The following STYXL1 variants were observed in gnomAD, a reference collection of about 807,000 sequenced individuals.
STYXL1 encodes serine/threonine/tyrosine-interacting-like protein 1.
In STYXL1, 32 loss-of-function variants were observed where a neutral mutation model predicts 36.4. The ratio of observed to expected loss-of-function variants is 0.88; its 90% CI spans 0.66 to 1.18. The LOEUF is 1.18. STYXL1 is among the 50% of genes most tolerant of loss of function. The pLI is 0.00. For synonymous variants in STYXL1, 133 were observed against 144.1 expected (o/e 0.92, Z 0.55); for missense variants, 354 against 394.1 (o/e 0.90, Z 0.86).
At chr7:76,013,138 A>G (rs1426691130) in intron 5 of STYXL1, among the ~76,000 whole-genome samples, 1 of 152,064 alleles carries the variant, frequency 6.6e-6, no homozygotes, top group African/African-American at 2.4e-5. Flanking sequence ...CATCCTGGCT[A>G]ACAGGGTGAA....
intron 4 of STYXL1, among the ~76,000 whole-genome samples, chr7:76,018,391 TTTTA>T (rs1202522072): frequency 1.3e-5 from 2 of 151,904 alleles, no homozygotes; most frequent in African/African-American, 4.8e-5. Flanking sequence ...ATGTCAGTAC[TTTTA>T]TTTTTTTTTT....
intron 5 of STYXL1, among the ~76,000 whole-genome samples, chr7:76,012,125 C>A (rs1751225618): frequency 6.6e-6 from 1 of 152,128 alleles, no homozygotes; most frequent in Non-Finnish European, 1.5e-5. Context: ...CATGGTGAAA[C>A]CCTGTCTCTA....
At chr7:76,012,308 C>T (rs945840085) in intron 5 of STYXL1, among the ~76,000 whole-genome samples, 2 of 152,038 alleles carry the variant, frequency 1.3e-5, no homozygotes, top group Non-Finnish European at 2.9e-5. Flanking sequence ...CAGGGTCTTG[C>T]TTCGTCAACC....
At chr7:76,019,757 T>C (rs2115998340) in intron 4 of STYXL1, among the ~76,000 whole-genome samples, 1 of 152,010 alleles carries the variant, frequency 6.6e-6, no homozygotes, top group South Asian at 2.1e-4. Context: ...TCTGCAGCTC[T>C]CAAGACAGGA....
chr7:76,014,210 G>T (rs2115810313), intron 4 of STYXL1, among the ~76,000 whole-genome samples: 1 of 152,128 alleles, frequency 6.6e-6, no homozygotes, highest in South Asian at 2.1e-4. Flanking sequence ...CCTCAGCTCA[G>T]GTGATCCTTC....
chr7:76,018,395 AT>A (rs1268797595), intron 4 of STYXL1, among the ~76,000 whole-genome samples: 105 of 144,488 alleles, frequency 7.3e-4, no homozygotes, highest in Admixed American at 1.4e-3. Flanking sequence ...CAGTACTTTT[AT>A]TTTTTTTTTT....
intron 5 of STYXL1, among the ~76,000 whole-genome samples, chr7:76,009,109 G>A (rs370374577): frequency 6.6e-6 from 1 of 152,150 alleles, no homozygotes; most frequent in African/African-American, 2.4e-5. Flanking sequence ...CTGCGGTTGT[G>A]TGGGTTTGGC....
Position 76,001,008 on chromosome 7 carries a change from A to T in STYXL1, c.698-6T>A, listed in dbSNP as rs781844572. The T allele has an allele frequency of 1.9e-6, 3 of 1,611,642 alleles. No individual in the cohort carries two copies. In the African/African-American group the frequency reaches 4.0e-5, roughly 21 times the overall value. ...GCCAAGGTGATGGTGAATTTCTGCAAAAAGAAGTGGGGGGTTGGGTCATGC... is the reference window on the plus strand; with the variant it reads ...GCCAAGGTGATGGTGAATTTCTGCATAAAGAAGTGGGGGGTTGGGTCATGC... On this transcript the variant is annotated splice_polypyrimidine_tract_variant and splice_region_variant and intron_variant, in intron 7 of 8. Coordinates refer to ENST00000359697, the MANE Select transcript of STYXL1 (RefSeq NM_001317785.2).
chr7:76,032,174 C>T (rs1268406822), intron 1 of STYXL1, among the ~76,000 whole-genome samples: 1 of 151,552 alleles, frequency 6.6e-6, no homozygotes, highest in Non-Finnish European at 1.5e-5. Flanking sequence ...GGGGGGATTG[C>T]TTGAGGCTGG....
intron 7 of STYXL1, among the ~76,000 whole-genome samples, chr7:76,002,971 T>C (rs552372313): frequency 1.3e-5 from 2 of 152,306 alleles, no homozygotes; most frequent in South Asian, 4.1e-4. Flanking sequence ...AATGCCATGC[T>C]CCAGCCCCTG....
chr7:76,036,877 C>T (rs1554580832), intron 1 of STYXL1, among the ~76,000 whole-genome samples: 6 of 143,984 alleles, frequency 4.2e-5, no homozygotes, highest in Admixed American at 6.9e-5. Flanking sequence ...CTCCGCCTCC[C>T]GGGTTCATGC....
At chr7:76,029,345 C>A (rs1258810007) in intron 2 of STYXL1, among the ~76,000 whole-genome samples, 1 of 152,050 alleles carries the variant, frequency 6.6e-6, no homozygotes, top group East Asian at 1.9e-4. Context: ...CGGGGTTTCA[C>A]CATGTTGGCC....
At chr7:76,023,937 C>T (rs1214532955) in intron 3 of STYXL1, among the ~76,000 whole-genome samples, 1 of 152,066 alleles carries the variant, frequency 6.6e-6, no homozygotes, top group African/African-American at 2.4e-5. Flanking sequence ...GGCTTGAACC[C>T]GGGAGGCAGA....
rs2116305715 is a variant in STYXL1 at position 76,030,466 on chromosome 7, T to C, written c.58A>G (p.Thr20Ala). ...TELYNILNQATKLSRLTDPNY... is the reference protein window; with the variant it reads ...TELYNILNQAAKLSRLTDPNY... The stretch of plus-strand genomic sequence containing the variant: ...GGGTCTGTTAATCTGGAGAGTTTTG[T>C]GGCCTGATTCAGGATGTTGTAAAGC... Residue 20 changes from threonine (T) to alanine (A), a missense_variant, in exon 2 of 9, where the codon ACA (threonine) becomes GCA (alanine). By Grantham distance (58) the Thr-to-Ala change is moderately conservative. Transcript: ENST00000359697. 2 of 1,614,036 alleles carry C rather than the reference T, an allele frequency of 1.2e-6. No individual in the cohort carries two copies. The highest frequency in any genetic ancestry group is 1.1e-5 in the South Asian group (1 of 91,088).
At chr7:76,036,777 T>C (rs868975597) in intron 1 of STYXL1, among the ~76,000 whole-genome samples, 20 of 141,286 alleles carry the variant, frequency 1.4e-4, no homozygotes, top group African/African-American at 4.8e-4. Flanking sequence ...CAACACAGTA[T>C]AGCTCTTTTT....
chr7:75,997,723 C>T (rs528488492), intron 8 of STYXL1, among the ~76,000 whole-genome samples: 1 of 152,260 alleles, frequency 6.6e-6, no homozygotes, highest in South Asian at 2.1e-4. Context: ...AAAGATTACA[C>T]ACACACACAA....
chr7:76,010,867 C>T (rs889797872), intron 5 of STYXL1, among the ~76,000 whole-genome samples: 15 of 152,218 alleles, frequency 9.9e-5, no homozygotes, highest in African/African-American at 3.6e-4. Flanking sequence ...AACATTAAAC[C>T]GCCCTAGCTT....
chr7:76,030,303 G>T, intron 2 of STYXL1, 118 bp downstream of exon 2: 1 of 734,084 alleles, frequency 1.4e-6, no homozygotes, highest in Non-Finnish European at 2.3e-6. Context: ...CCAGCCCAGG[G>T]ATCCCTGTTC....
intron 1 of STYXL1, among the ~76,000 whole-genome samples, chr7:76,040,025 C>T (rs1345298668): frequency 1.3e-5 from 2 of 152,170 alleles, no homozygotes; most frequent in African/African-American, 4.8e-5. Context: ...CATCCCTGCT[C>T]CTTGCCTTAG....
Sources: gnomAD v4.1 joint callset for allele counts (sites outside exome capture counted in the v4.1 genomes callset) on GRCh38, gnomAD v4.1.1 for gene constraint, MANE v1.5 for transcripts, NCBI Gene and HGNC (gene_info 2026-07-23, HGNC 2026-07-21) for gene names.